The following AFAP1L2 variants were observed in gnomAD, a reference collection of about 807,000 sequenced individuals.
AFAP1L2 encodes actin filament-associated protein 1-like 2.
A neutral mutation model predicts 99.3 loss-of-function variants in AFAP1L2; 46 were observed. That is an observed-to-expected ratio of 0.46 (90% confidence interval 0.37 to 0.59). The LOEUF (loss-of-function observed/expected upper bound fraction) is 0.59. Ranked by LOEUF, AFAP1L2 falls within the 20% of genes least tolerant of loss-of-function variation. AFAP1L2 has a pLI of 0.00. For synonymous variants in AFAP1L2, 397 were observed against 419.1 expected (o/e 0.95, Z 0.64); for missense variants, 959 against 1,034.9 (o/e 0.93, Z 1.01).
At chr10:114,319,356 G>T (rs1294244511) in intron 5 of AFAP1L2, among the ~76,000 whole-genome samples, 5 of 133,842 alleles carry the variant, frequency 3.7e-5, no homozygotes, top group African/African-American at 1.4e-4. Context: ...TTAGCCATGT[G>T]TTTTGATACC....
intron 1 of AFAP1L2, among the ~76,000 whole-genome samples, chr10:114,370,507 G>A (rs1349177792): frequency 6.6e-6 from 1 of 152,230 alleles, no homozygotes; most frequent in Non-Finnish European, 1.5e-5. Flanking sequence ...AAAATGCAGT[G>A]CAGGGTCCAC....
At chr10:114,357,683 T>C (rs1005912512) in intron 1 of AFAP1L2, among the ~76,000 whole-genome samples, 2 of 152,224 alleles carry the variant, frequency 1.3e-5, no homozygotes, top group Admixed American at 1.3e-4. Flanking sequence ...CTAATTTACA[T>C]GTATTCCTTG....
chr10:114,297,634 T>C (rs1323536903), intron 16 of AFAP1L2, among the ~76,000 whole-genome samples: 1 of 152,230 alleles, frequency 6.6e-6, no homozygotes, highest in East Asian at 1.9e-4. Flanking sequence ...AGGAGAGCTC[T>C]GGCTTCACTA....
intron 1 of AFAP1L2, among the ~76,000 whole-genome samples, chr10:114,391,788 C>T (rs561882859): frequency 6.6e-6 from 1 of 152,270 alleles, no homozygotes; most frequent in East Asian, 1.9e-4. Context: ...AACCAATTGA[C>T]CAGCACGTGG....
chr10:114,345,919 G>C, intron 1 of AFAP1L2, among the ~76,000 whole-genome samples: 1 of 142,464 alleles, frequency 7.0e-6, no homozygotes, highest in South Asian at 2.2e-4. Flanking sequence ...CAGCCGTGGT[G>C]CCTGCCCGAT....
At chr10:114,345,200 C>T (rs1007130396) in intron 1 of AFAP1L2, among the ~76,000 whole-genome samples, 4 of 144,906 alleles carry the variant, frequency 2.8e-5, no homozygotes, top group Admixed American at 6.9e-5. Context: ...CTCTGTGTAT[C>T]GGGGGAACAT....
chr10:114,394,815 G>T (rs2057520632), intron 1 of AFAP1L2, among the ~76,000 whole-genome samples: 1 of 152,038 alleles, frequency 6.6e-6, no homozygotes, highest in South Asian at 2.1e-4. Context: ...TTGAACCAGA[G>T]ACAAGCTTCC....
At chr10:114,303,206 C>A (rs2041532856) in intron 11 of AFAP1L2, among the ~76,000 whole-genome samples, 1 of 152,094 alleles carries the variant, frequency 6.6e-6, no homozygotes, top group Admixed American at 6.6e-5. Context: ...AAAATCAGCC[C>A]CCTTTGGTAT....
intron 7 of AFAP1L2, 85 bp downstream of exon 7, chr10:114,313,786 C>T (rs2043648641): frequency 1.4e-6 from 2 of 1,383,496 alleles, no homozygotes; most frequent in South Asian, 1.4e-5. Context: ...AAATCCTCTA[C>T]CCCTGACCCT....
Position 114,301,355 on chromosome 10 carries a change from G to A in AFAP1L2, c.1541C>T (p.Ala514Val), listed in dbSNP as rs146606483. The A allele has an allele frequency of 8.3e-5, 134 of 1,613,320 alleles. No homozygotes were observed. In the African/African-American group the frequency reaches 1.0e-3, roughly 12 times the overall value. ...GCCACTGCCTGGCCGGGTCCTTACC[G>A]CAGCTGTGAGCTCTGACAGGTCCAC... ...DDVDLSELTA[A>V]VEPTEEATPV... The change falls in exon 13 of 19, where the codon GCG becomes GTG. Residue 514 changes from alanine to valine, a missense_variant and splice_region_variant. Around this residue, in one of 2 missense-constraint regions of AFAP1L2, gnomAD observed 576 missense variants for 562.1 expected, o/e 1.02. Coordinates refer to ENST00000304129, the MANE Select transcript of AFAP1L2 (RefSeq NM_001001936.3).
chr10:114,286,343 G>C, the AFAP1L2 span: 1 of 1,613,440 alleles, frequency 6.2e-7, no homozygotes, highest in Non-Finnish European at 8.5e-7. Context: ...AGCGCGTCAC[G>C]CAAGGGCGCG....
intron 10 of AFAP1L2, among the ~76,000 whole-genome samples, chr10:114,306,361 ATG>A (rs2042435944): frequency 7.7e-6 from 1 of 129,190 alleles, no homozygotes; most frequent in African/African-American, 2.9e-5. Context: ...GCAGGAGGGG[ATG>A]CGGGGGCAGG....
At chr10:114,288,998 C>G in the AFAP1L2 span, 1 of 1,614,120 alleles carries the variant, frequency 6.2e-7, no homozygotes, top group East Asian at 2.2e-5. Context: ...TCAGTAGGGC[C>G]CGAGAATTTT....
chr10:114,346,525 T>G (rs749570068), intron 1 of AFAP1L2, among the ~76,000 whole-genome samples: 59 of 152,074 alleles, frequency 3.9e-4, no homozygotes, highest in Admixed American at 2.7e-3. Flanking sequence ...CCAACCTCAG[T>G]GACATTTATC....
At chr10:114,283,328 AGCAGTTAGACACACAGGCAGGGTAG>A in the AFAP1L2 span, among the ~76,000 whole-genome samples, 1 of 149,724 alleles carries the variant, frequency 6.7e-6, no homozygotes, top group Non-Finnish European at 1.5e-5. Flanking sequence ...CAGGGTAGCG[AGCAGTTAGACACACAGGCAGGGTAG>A]CGAGCAGTTA....
intron 4 of AFAP1L2, chr10:114,325,748 A>G: frequency 1.2e-6 from 1 of 867,460 alleles, no homozygotes; most frequent in Non-Finnish European, 1.5e-6. Context: ...CTGGTACAAG[A>G]TCTTTGCTCT....
At chr10:114,298,976 C>T (rs750903292) in intron 16 of AFAP1L2, among the ~76,000 whole-genome samples, 10 of 152,234 alleles carry the variant, frequency 6.6e-5, no homozygotes, top group Non-Finnish European at 1.2e-4. Flanking sequence ...CAATAAAACA[C>T]GGCCTATGCA....
intron 15 of AFAP1L2, among the ~76,000 whole-genome samples, chr10:114,299,767 T>C (rs1385314128): frequency 1.3e-5 from 2 of 152,214 alleles, no homozygotes; most frequent in Non-Finnish European, 2.9e-5. Context: ...GCTGCCAGCA[T>C]GGCTAGAATA....
At chr10:114,287,789 C>T in the AFAP1L2 span, among the ~76,000 whole-genome samples, 1 of 152,138 alleles carries the variant, frequency 6.6e-6, no homozygotes, top group African/African-American at 2.4e-5. Flanking sequence ...CTATTAACAC[C>T]TTGCATTAGT....
Sources: allele counts gnomAD v4.1 joint callset (sites outside exome capture counted in the v4.1 genomes callset), GRCh38; gene constraint gnomAD v4.1.1; regional missense constraint gnomAD v4.1.1; transcripts MANE v1.5; gene names NCBI Gene and HGNC (gene_info 2026-07-23, HGNC 2026-07-21).